Variants in ADAMTSL3 observed in about 807,000 individuals in gnomAD.
ADAMTSL3 encodes ADAMTS-like protein 3.
Under a neutral mutation model 201.7 loss-of-function variants are expected in ADAMTSL3, and 128 were observed. The ratio of observed to expected loss-of-function variants is 0.63; its 90% CI spans 0.55 to 0.73. The LOEUF is 0.73. ADAMTSL3 is among the 30% of genes least tolerant of loss of function. The pLI, the probability that ADAMTSL3 is intolerant of heterozygous loss-of-function variation, is 0.00. For missense variants in ADAMTSL3, 1,990 were observed against 2,119.6 expected (o/e 0.94, Z 1.20); for synonymous variants, 738 against 748.4 (o/e 0.99, Z 0.23).
intron 3 of ADAMTSL3, among the ~76,000 whole-genome samples, chr15:83,713,557 TA>T (rs2061961115): frequency 6.6e-6 from 1 of 152,056 alleles, no homozygotes; most frequent in African/African-American, 2.4e-5. Context: ...AATGCATGAA[TA>T]ATGCACATGC....
chr15:83,666,206 T>C (rs937615375), intron 2 of ADAMTSL3, among the ~76,000 whole-genome samples: 1 of 152,190 alleles, frequency 6.6e-6, no homozygotes, highest in African/African-American at 2.4e-5. Flanking sequence ...TACATGTCAT[T>C]AAATATTTTC....
At chr15:83,737,728 C>T (rs529564152) in intron 3 of ADAMTSL3, among the ~76,000 whole-genome samples, 1 of 152,232 alleles carries the variant, frequency 6.6e-6, no homozygotes, top group East Asian at 1.9e-4. Flanking sequence ...GAAAAGAGTC[C>T]AGAGAGTATC....
At chr15:83,808,230 G>T (rs2063633410) in intron 5 of ADAMTSL3, among the ~76,000 whole-genome samples, 1 of 152,070 alleles carries the variant, frequency 6.6e-6, no homozygotes, top group Admixed American at 6.6e-5. Context: ...AAACTAGACA[G>T]CTGGACACGG....
intron 17 of ADAMTSL3, among the ~76,000 whole-genome samples, chr15:83,939,088 AT>A (rs1268459256): frequency 6.6e-6 from 1 of 152,156 alleles, no homozygotes; most frequent in Non-Finnish European, 1.5e-5. Context: ...ACACTGATTG[AT>A]TTTCCAAGGT....
At chr15:83,901,098 A>C (rs1050759070) in intron 15 of ADAMTSL3, among the ~76,000 whole-genome samples, 1 of 152,182 alleles carries the variant, frequency 6.6e-6, no homozygotes, top group Non-Finnish European at 1.5e-5. Context: ...GGCACATCAC[A>C]CTCATGACAG....
At chr15:83,958,298 A>T (rs1489816619) in intron 19 of ADAMTSL3, among the ~76,000 whole-genome samples, 1 of 152,196 alleles carries the variant, frequency 6.6e-6, no homozygotes, top group African/African-American at 2.4e-5. Flanking sequence ...ATTGGATGCA[A>T]GAAAGATTGT....
rs2064438105 is a variant in ADAMTSL3, at chr15:83,843,919, C to T, written c.727+5704C>T. On this transcript the variant is annotated intron_variant, in intron 7 of 29. Coordinates refer to ENST00000286744, the MANE Select transcript of ADAMTSL3 (RefSeq NM_207517.3). ...AGGAGGAGAGAGACGGAACTGACAA[C>T]CAACATAAACAGCTTTGGATGTTGG... is the stretch of plus-strand genomic sequence containing the variant. Among the ~76,000 whole-genome samples, 3 of 152,156 alleles carry T rather than the reference C, an allele frequency of 2.0e-5. 1 individual carries two copies. The South Asian group carries it at 6.2e-4, about 32-fold the overall frequency.
intron 4 of ADAMTSL3, among the ~76,000 whole-genome samples, chr15:83,799,411 A>G (rs934364133): frequency 6.6e-6 from 1 of 152,194 alleles, no homozygotes; most frequent in African/African-American, 2.4e-5. Context: ...ACCATATGCC[A>G]GCCAGAATGT....
intron 4 of ADAMTSL3, among the ~76,000 whole-genome samples, chr15:83,784,080 T>G (rs2063221127): frequency 6.6e-6 from 1 of 152,192 alleles, no homozygotes; most frequent in African/African-American, 2.4e-5. Context: ...ATTGCCTTTG[T>G]GTCAGTGAAT....
intron 3 of ADAMTSL3, among the ~76,000 whole-genome samples, chr15:83,769,275 G>T (rs1021826437): frequency 6.6e-6 from 1 of 151,788 alleles, no homozygotes; most frequent in Non-Finnish European, 1.5e-5. Flanking sequence ...TCAACCTTTT[G>T]GTATATCGAG....
chr15:83,670,258 CAAAAAAAAAAAA>C lies in ADAMTSL3; in HGVS notation c.69+14442_69+14453del, dbSNP rs60947988. ...GGGTGACAGTGAGAGACTCTGTCTC[CAAAAAAAAAAAA>C]AAAAAAAAAAAAAGAACAGAAAAAG... On this transcript the variant is annotated intron_variant, in intron 2 of 29. Coordinates refer to ENST00000286744, the MANE Select transcript of ADAMTSL3 (RefSeq NM_207517.3). Among the ~76,000 whole-genome samples, 4 of 64,518 alleles carry C rather than the reference CAAAAAAAAAAAA, an allele frequency of 6.2e-5. 1 individual carries two copies. The highest frequency in any genetic ancestry group is 0.026 in the Middle Eastern group (2 of 78). The allele number at this position is 64,518 out of a possible 152,430, so 42.3% of individuals were successfully genotyped here. A position where few individuals can be genotyped will look rare whatever the true frequency, so the allele number is the denominator to read the frequency against.
chr15:83,941,928 A>G (rs934830704), intron 17 of ADAMTSL3, among the ~76,000 whole-genome samples: 2 of 152,222 alleles, frequency 1.3e-5, no homozygotes, highest in Non-Finnish European at 2.9e-5. Context: ...ACTTTTCTCA[A>G]TGATATTCTC....
At position 84,025,289 on chromosome 15, in the gene ADAMTSL3, C is replaced by T. The variant is rs751112721; in HGVS notation, c.4509C>T (p.Tyr1503=). Residue 1503 remains tyrosine, a synonymous_variant, in exon 27 of 30, where the codon TAC becomes TAT. Transcript: ENST00000286744. ...SQCSVSCGEG[Y]HSRQVTCKRT... is the part of the protein sequence containing the mutation. ...GCTCTGTGTCTTGCGGTGAAGGATA[C>T]CACAGTCGGCAGGTGACGTGCAAGC... 1 of 1,613,682 alleles carries T rather than the reference C, an allele frequency of 6.2e-7. No individual in the cohort carries two copies.
At chr15:83,680,686 TC>T (rs1049782378) in intron 2 of ADAMTSL3, among the ~76,000 whole-genome samples, 172 of 152,140 alleles carry the variant, frequency 1.1e-3, no homozygotes, top group African/African-American at 4.1e-3. Flanking sequence ...TCCCTAATTC[TC>T]ACACTGATCT....
At chr15:83,753,350 G>A (rs957158978) in intron 3 of ADAMTSL3, among the ~76,000 whole-genome samples, 5 of 152,198 alleles carry the variant, frequency 3.3e-5, no homozygotes, top group Admixed American at 3.3e-4. Context: ...ACCTAGGGCA[G>A]CACAACCCCT....
chr15:83,994,797 CG>C (rs35906813), intron 23 of ADAMTSL3, among the ~76,000 whole-genome samples: 118,637 of 142,370 alleles, frequency 0.83, 49,840 homozygotes, highest in African/African-American at 0.95. Flanking sequence ...TTAGTAGAGA[CG>C]GGGGTTTCAC....
At chr15:83,868,641 G>T (rs1479747508) in intron 8 of ADAMTSL3, among the ~76,000 whole-genome samples, 1 of 152,146 alleles carries the variant, frequency 6.6e-6, no homozygotes, top group Non-Finnish European at 1.5e-5. Flanking sequence ...CTGCCTCCTA[G>T]ATAGGCAACC....
intron 3 of ADAMTSL3, among the ~76,000 whole-genome samples, chr15:83,708,373 C>A (rs977651070): frequency 1.3e-5 from 2 of 152,186 alleles, no homozygotes; most frequent in Non-Finnish European, 2.9e-5. Context: ...ACCTTCAGGT[C>A]ATTCTTCAAA....
At chr15:83,900,055 C>G (rs1424359790) in intron 15 of ADAMTSL3, among the ~76,000 whole-genome samples, 1 of 152,136 alleles carries the variant, frequency 6.6e-6, no homozygotes, top group Non-Finnish European at 1.5e-5. Context: ...TAGTATCATA[C>G]AAATAAACCA....
Sources: gnomAD v4.1 joint callset for allele counts (sites outside exome capture counted in the v4.1 genomes callset) on GRCh38, gnomAD v4.1.1 for gene constraint, MANE v1.5 for transcripts, NCBI Gene and HGNC (gene_info 2026-07-23, HGNC 2026-07-21) for gene names.